The following SLC9A8 variants were observed in gnomAD, a reference collection of about 807,000 sequenced individuals.
The protein encoded by SLC9A8 is sodium/hydrogen exchanger 8.
A neutral mutation model predicts 66.6 loss-of-function variants in SLC9A8; 48 were observed. The ratio of observed to expected loss-of-function variants is 0.72; its 90% CI spans 0.57 to 0.92. SLC9A8 has a LOEUF of 0.92. Among genes scored for constraint, SLC9A8 ranks in the 40% least tolerant of loss-of-function variants. The pLI is 0.00. For missense variants in SLC9A8, 599 were observed against 747.3 expected, an observed-to-expected ratio of 0.80 and a Z score of 2.31; for synonymous variants, 274 against 282.6, an observed-to-expected ratio of 0.97 and a Z score of 0.31.
intron 5 of SLC9A8, among the ~76,000 whole-genome samples, chr20:49,848,878 C>T (rs905228986): frequency 1.2e-4 from 18 of 152,188 alleles, no homozygotes; most frequent in African/African-American, 3.6e-4. Context: ...TTCCATCTGA[C>T]GGGCATTATG....
intron 3 of SLC9A8, chr20:49,830,087 C>T (rs1600662311): frequency 5.4e-6 from 4 of 739,618 alleles, no homozygotes; most frequent in Non-Finnish European, 1.0e-5. Context: ...TCATTTCCAT[C>T]ATTTCCTGCT....
intron 5 of SLC9A8, 152 bp downstream of exon 5, chr20:49,845,271 C>T (rs2087937237): frequency 3.2e-6 from 2 of 619,020 alleles, no homozygotes; most frequent in Non-Finnish European, 2.9e-6. Flanking sequence ...GACTGCAGTG[C>T]CTGACTTCTG....
intron 7 of SLC9A8, among the ~76,000 whole-genome samples, chr20:49,852,852 G>GT (rs143773321): frequency 1.3e-5 from 2 of 150,406 alleles, no homozygotes; most frequent in African/African-American, 2.5e-5. Flanking sequence ...TGTTTGTTTT[G>GT]TTTTTTTCAG....
chr20:49,857,252 A>G (rs1374958540), intron 8 of SLC9A8, among the ~76,000 whole-genome samples: 2 of 152,374 alleles, frequency 1.3e-5, no homozygotes, highest in African/African-American at 4.8e-5. Context: ...GTTCTGTTAG[A>G]TAATAGAATT....
intron 15 of SLC9A8, among the ~76,000 whole-genome samples, chr20:49,887,600 C>T (rs2089937183): frequency 6.6e-6 from 1 of 152,178 alleles, no homozygotes; most frequent in Non-Finnish European, 1.5e-5. Context: ...CATGTTCAGC[C>T]TCAAGCCATG....
chr20:49,886,901 G>C lies in SLC9A8; in HGVS notation c.1638+3G>C. ...TCACTCGGAGGCTGACGCAGGAGGT[G>C]GGATACCGGCCAGGCCACACTTTCT... On this transcript the variant is annotated splice_donor_region_variant and intron_variant, in intron 15 of 15. Coordinates refer to ENST00000361573, the MANE Select transcript of SLC9A8 (RefSeq NM_015266.3). This position sits in a 1 kb window ranked among gnomAD's most constrained non-coding sequence, Gnocchi z 4.8. The C allele has an allele frequency of 6.2e-7, 1 of 1,613,166 alleles. No individual in the cohort carries two copies. The highest frequency in any genetic ancestry group is 1.7e-5 in the Admixed American group (1 of 59,940).
intron 7 of SLC9A8, among the ~76,000 whole-genome samples, chr20:49,855,008 G>A (rs769706197): frequency 9.8e-5 from 15 of 152,314 alleles, no homozygotes; most frequent in Non-Finnish European, 1.9e-4. Flanking sequence ...CTTAGATCTT[G>A]CAAATCTGAG....
At chr20:49,831,400 A>ACT (rs1316099856) in intron 3 of SLC9A8, among the ~76,000 whole-genome samples, 16 of 139,834 alleles carry the variant, frequency 1.1e-4, no homozygotes, top group Non-Finnish European at 2.4e-4. Flanking sequence ...AAACACACAC[A>ACT]CACTCTCTCT....
rs1392955150 is a variant in SLC9A8 at position 49,891,943 on chromosome 20, G to A, written c.*4007G>A. 1 of 152,152 alleles carries A rather than the reference G, an allele frequency of 6.6e-6. No homozygotes were observed. The allele number at this position is 152,152 out of a possible 1,614,324, so 9.4% of individuals were successfully genotyped here. On this transcript the variant is annotated 3_prime_UTR_variant, in exon 16 of 16. Coordinates refer to ENST00000361573, the MANE Select transcript of SLC9A8 (RefSeq NM_015266.3). ...TCATCATTTCCTTTGTAAAAATGAC[G>A]AGTGCTGGGTTTTTGTTTTAAGAAG...
At chr20:49,869,781 C>T (rs896675843) in intron 10 of SLC9A8, among the ~76,000 whole-genome samples, 8 of 151,762 alleles carry the variant, frequency 5.3e-5, no homozygotes, top group Non-Finnish European at 1.0e-4. Context: ...TGCAGTGAGC[C>T]GAGATCCTGC....
At chr20:49,842,063 T>A (rs6020080) in intron 4 of SLC9A8, among the ~76,000 whole-genome samples, 22,559 of 143,042 alleles carry the variant, frequency 0.16, 3,058 homozygotes, top group African/African-American at 0.37. Flanking sequence ...TATTTTATTT[T>A]TTTTTTTTTG....
chr20:49,872,784 C>T (rs1434051554), intron 10 of SLC9A8, among the ~76,000 whole-genome samples: 1 of 152,084 alleles, frequency 6.6e-6, no homozygotes, highest in African/African-American at 2.4e-5. Context: ...CGCGCCCGGC[C>T]GATTTTCACC....
At chr20:49,878,889 C>T (rs550987410) in intron 12 of SLC9A8, among the ~76,000 whole-genome samples, 7 of 152,040 alleles carry the variant, frequency 4.6e-5, no homozygotes, top group African/African-American at 1.2e-4. Flanking sequence ...TGGTGATATG[C>T]GCCTGTAATT....
At chr20:49,836,098 TCCC>T (rs2087524419) in intron 3 of SLC9A8, among the ~76,000 whole-genome samples, 1 of 152,160 alleles carries the variant, frequency 6.6e-6, no homozygotes, top group African/African-American at 2.4e-5. Context: ...CTCCTCCCTG[TCCC>T]TGGGCAACCA....
In SLC9A8 at chr20:49,888,541, CCTGGGTAGCAGA is replaced by C. The variant is rs1288020828; in HGVS notation, c.*607_*618del. 2 of 154,522 alleles carry C rather than the reference CCTGGGTAGCAGA, an allele frequency of 1.3e-5. No individual in the cohort carries two copies. Among genetic ancestry groups the C allele is most frequent in the African/African-American group, 2.4e-5 (1 of 41,444 alleles). 9.6% of individuals were successfully genotyped at this position (154,522 alleles called of 1,614,324 possible). A position where few individuals can be genotyped will look rare whatever the true frequency, so the allele number is the denominator to read the frequency against. ...TGATTGGCACTTCGCAGTCTATCTC[CCTGGGTAGCAGA>C]CGGCTGCTGCCCTTCTCTGGGCATG... On this transcript the variant is annotated 3_prime_UTR_variant, in exon 16 of 16. Coordinates refer to ENST00000361573, the MANE Select transcript of SLC9A8 (RefSeq NM_015266.3).
intron 10 of SLC9A8, among the ~76,000 whole-genome samples, chr20:49,865,285 C>T (rs2088913520): frequency 6.6e-6 from 1 of 152,158 alleles, no homozygotes; most frequent in African/African-American, 2.4e-5. Flanking sequence ...GCTTAGAACC[C>T]TCTAATACAA....
intron 10 of SLC9A8, among the ~76,000 whole-genome samples, chr20:49,865,684 A>G (rs1389449903): frequency 2.0e-5 from 3 of 152,186 alleles, no homozygotes; most frequent in East Asian, 1.9e-4. Flanking sequence ...CAGCAGCCCA[A>G]TCAGGCTTGG....
intron 10 of SLC9A8, 98 bp downstream of exon 10, chr20:49,864,942 C>T: frequency 1.3e-6 from 1 of 785,752 alleles, no homozygotes; most frequent in Non-Finnish European, 2.3e-6. Context: ...TCACAAGAGA[C>T]AGTCACAACT....
At chr20:49,878,113 A>G (rs6020100) in intron 12 of SLC9A8, 50 bp downstream of exon 12, 438,226 of 1,124,784 alleles carry the variant, frequency 0.39, 89,734 homozygotes, top group African/African-American at 0.56. Flanking sequence ...TTTGTAGATC[A>G]ATAAACACAT....
Sources: allele counts gnomAD v4.1 joint callset (sites outside exome capture counted in the v4.1 genomes callset), GRCh38; gene constraint gnomAD v4.1.1; non-coding constraint Gnocchi (gnomAD v3.1); transcripts MANE v1.5; gene names NCBI Gene and HGNC (gene_info 2026-07-23, HGNC 2026-07-21).